The following ADAM22 variants were observed in gnomAD, a reference collection of about 807,000 sequenced individuals.
The protein encoded by ADAM22 is disintegrin and metalloproteinase domain-containing protein 22.
A neutral mutation model predicts 144.6 loss-of-function variants in ADAM22; 65 were observed. The ratio of observed to expected loss-of-function variants is 0.45; its 90% CI spans 0.37 to 0.55. The LOEUF is 0.55. ADAM22 is among the 20% of genes least tolerant of loss of function. ADAM22 has a pLI of 0.00. For missense variants in ADAM22, 974 were observed against 1,184.9 expected (o/e 0.82, Z 2.61); for synonymous variants, 391 against 412.6 (o/e 0.95, Z 0.63).
intron 3 of ADAM22, among the ~76,000 whole-genome samples, chr7:88,051,346 A>G (rs1044471211): frequency 1.9e-4 from 29 of 152,210 alleles, no homozygotes; most frequent in Non-Finnish European, 3.1e-4. Context: ...TGTGGCACAT[A>G]TACACCATGG....
At chr7:87,991,601 C>T (rs1231343429) in intron 3 of ADAM22, among the ~76,000 whole-genome samples, 1 of 151,794 alleles carries the variant, frequency 6.6e-6, no homozygotes, top group Non-Finnish European at 1.5e-5. Flanking sequence ...CTCCTGACCT[C>T]ATGATCCACC....
At chr7:87,973,602 G>C (rs1851073087) in intron 2 of ADAM22, among the ~76,000 whole-genome samples, 1 of 152,140 alleles carries the variant, frequency 6.6e-6, no homozygotes. Flanking sequence ...ATACCCAAAG[G>C]ATTATAAATC....
chr7:87,973,743 G>A (rs557535931), intron 2 of ADAM22, among the ~76,000 whole-genome samples: 20 of 152,250 alleles, frequency 1.3e-4, no homozygotes, highest in Middle Eastern at 6.8e-3. Flanking sequence ...ATACACCATG[G>A]AATACTATGC....
chr7:88,053,626 AAGAAAG>A (rs1807266888), intron 3 of ADAM22, among the ~76,000 whole-genome samples: 1 of 116,644 alleles, frequency 8.6e-6, no homozygotes, highest in African/African-American at 2.7e-5. Context: ...GAAAGAAAGA[AAGAAAG>A]AAAGAAAGAA....
At chr7:88,095,439 G>C (rs1036229515) in intron 4 of ADAM22, among the ~76,000 whole-genome samples, 14 of 152,266 alleles carry the variant, frequency 9.2e-5, no homozygotes, top group African/African-American at 3.1e-4. Context: ...ATGTGTAGGG[G>C]AAAGTACAGC....
At chr7:88,018,539 T>C (rs1390957144) in intron 3 of ADAM22, among the ~76,000 whole-genome samples, 3 of 152,116 alleles carry the variant, frequency 2.0e-5, no homozygotes, top group African/African-American at 7.2e-5. Context: ...TCTAATAAAA[T>C]AGATGATGGA....
chr7:87,944,134 CTTTA>C (rs1842990547), intron 2 of ADAM22, among the ~76,000 whole-genome samples: 1 of 151,414 alleles, frequency 6.6e-6, no homozygotes, highest in Admixed American at 6.6e-5. Flanking sequence ...TTCTATTCTG[CTTTA>C]TTTTTTTTTT....
At chr7:88,152,824 G>A (rs1838828572) in intron 20 of ADAM22, among the ~76,000 whole-genome samples, 1 of 151,938 alleles carries the variant, frequency 6.6e-6, no homozygotes, top group Non-Finnish European at 1.5e-5. Flanking sequence ...GACTACAGGT[G>A]CACACCACCA....
intron 3 of ADAM22, among the ~76,000 whole-genome samples, chr7:88,055,830 T>C (rs969402924): frequency 6.6e-6 from 1 of 152,218 alleles, no homozygotes; most frequent in Non-Finnish European, 1.5e-5. Context: ...ACCTCTTCTG[T>C]GTGTTTTGGT....
chr7:87,955,647 T>C (rs529417804), intron 2 of ADAM22, among the ~76,000 whole-genome samples: 1 of 152,324 alleles, frequency 6.6e-6, no homozygotes, highest in Non-Finnish European at 1.5e-5. Context: ...GGAGAACCAC[T>C]GCTCTCCTCA....
chr7:88,185,566 G>GA (rs564125313), intron 29 of ADAM22, among the ~76,000 whole-genome samples: 29 of 149,438 alleles, frequency 1.9e-4, no homozygotes, highest in Admixed American at 2.7e-4. Flanking sequence ...CTTTTTAAAT[G>GA]AAAAAAAAAT....
At position 87,934,384 on chromosome 7, in the gene ADAM22, G is replaced by A. The variant is rs1562783871; in HGVS notation, c.-82G>A. The stretch of plus-strand genomic sequence containing the variant: ...TGGAGGTGGCCGCGGGGACCCCGGG[G>A]GCGCGGAGCGAGGGAAACGGACTCG... On this transcript the variant is annotated 5_prime_UTR_variant, in exon 1 of 32. Transcript: ENST00000413139. The A allele has an allele frequency of 2.1e-6, 3 of 1,405,678 alleles. No individual in the cohort carries two copies. The highest frequency in any genetic ancestry group is 1.9e-6 in the Non-Finnish European group (2 of 1,040,790). The allele number at this position is 1,405,678 out of a possible 1,614,324, so 87.1% of individuals were successfully genotyped here.
rs1001439011 is a variant in ADAM22 at position 88,202,698 on chromosome 7, T to C, written c.*6207T>C. 4 of 152,242 alleles carry C rather than the reference T, an allele frequency of 2.6e-5. No individual in the cohort carries two copies. Among genetic ancestry groups the C allele is most frequent in the African/African-American group, 9.6e-5 (4 of 41,470 alleles). The allele number at this position is 152,242 out of a possible 1,614,324, so 9.4% of individuals were successfully genotyped here. A position where few individuals can be genotyped will look rare whatever the true frequency, so the allele number is the denominator to read the frequency against. ...ATTTGTTTTATGGCTGTTCAAGTTA[T>C]AAAATTGTTCTTACATTGTAGGTAA... On this transcript the variant is annotated 3_prime_UTR_variant, in exon 32 of 32. Transcript: ENST00000413139.
intron 26 of ADAM22, among the ~76,000 whole-genome samples, chr7:88,176,194 C>T (rs1209423564): frequency 6.6e-6 from 1 of 152,058 alleles, no homozygotes; most frequent in East Asian, 1.9e-4. Flanking sequence ...AGGCTGGTCT[C>T]GAATTCCTGA....
chr7:88,157,976 A>C (rs1191331055), intron 22 of ADAM22, among the ~76,000 whole-genome samples: 1 of 152,206 alleles, frequency 6.6e-6, no homozygotes, highest in Non-Finnish European at 1.5e-5. Flanking sequence ...GAGAAAAATA[A>C]GACCCCAAGG....
chr7:88,175,079 A>G (rs1345494392), intron 26 of ADAM22, among the ~76,000 whole-genome samples: 1 of 152,190 alleles, frequency 6.6e-6, no homozygotes, highest in Non-Finnish European at 1.5e-5. Flanking sequence ...TTCCTCCAAC[A>G]TTTTAAGTAT....
At position 88,100,565 on chromosome 7, in the gene ADAM22, A is replaced by G. The variant is rs140882095; in HGVS notation, c.391-7611A>G. Among the ~76,000 whole-genome samples, 455 of 152,334 alleles carry G rather than the reference A, an allele frequency of 3.0e-3. 3 individuals carry two copies. The highest frequency in any genetic ancestry group is 0.01 in the African/African-American group (430 of 41,582). On this transcript the variant is annotated intron_variant, in intron 4 of 31. Coordinates refer to ENST00000413139, the MANE Select transcript of ADAM22 (RefSeq NM_001324418.2). ...GTCTGATTCTGTACAGTCACAGGTT[A>G]TGAGTTTTAATCGGGATAGGTTGGT...
At chr7:88,022,449 C>T (rs1049198442) in intron 3 of ADAM22, among the ~76,000 whole-genome samples, 11 of 151,988 alleles carry the variant, frequency 7.2e-5, no homozygotes, top group Admixed American at 5.2e-4. Context: ...TCCACTATGA[C>T]CAGTTAATAA....
intron 7 of ADAM22, among the ~76,000 whole-genome samples, chr7:88,124,892 A>G (rs1332597319): frequency 1.3e-5 from 2 of 151,976 alleles, no homozygotes; most frequent in Non-Finnish European, 2.9e-5. Flanking sequence ...TGAGTGTTTT[A>G]TAGTATTATT....
Sources: gnomAD v4.1 joint callset for allele counts (sites outside exome capture counted in the v4.1 genomes callset) on GRCh38, gnomAD v4.1.1 for gene constraint, MANE v1.5 for transcripts, NCBI Gene and HGNC (gene_info 2026-07-23, HGNC 2026-07-21) for gene names.